The following GRIK2 variants were observed in gnomAD, a reference collection of about 807,000 sequenced individuals.
GRIK2 encodes the protein glutamate ionotropic receptor kainate type subunit 2, also known as glutamate receptor ionotropic, kainate 2.
In GRIK2, 32 loss-of-function variants were observed where a neutral mutation model predicts 100.3. The ratio of observed to expected loss-of-function variants is 0.32; its 90% CI spans 0.24 to 0.43. The LOEUF (loss-of-function observed/expected upper bound fraction) is 0.43, where lower values mean the gene tolerates loss of function less well. GRIK2 is among the 20% of genes least tolerant of loss of function. The pLI is 1.00. For missense variants in GRIK2, 843 were observed against 1,114.9 expected, an observed-to-expected ratio of 0.76 and a Z score of 3.47; for synonymous variants, 417 against 389.4, an observed-to-expected ratio of 1.07 and a Z score of -0.83.
Position 102,054,594 on chromosome 6 carries a change from C to T in GRIK2, c.2312-736C>T, listed in dbSNP as rs141748339. Among the ~76,000 whole-genome samples the T allele has an allele frequency of 6.2e-3, 938 of 152,148 alleles. 10 individuals are homozygous for T. The highest frequency in any genetic ancestry group is 0.022 in the African/African-American group (901 of 41,504). On this transcript the variant is annotated intron_variant, in intron 15 of 16. Coordinates refer to ENST00000369134, the MANE Select transcript of GRIK2 (RefSeq NM_021956.5). ...TCTAATGCAGATGAGTATGTACCTC[C>T]ATTAGCATAAACAATACGTTTTATT...
chr6:101,898,225 C>T (rs1787604112), intron 12 of GRIK2, among the ~76,000 whole-genome samples: 1 of 151,560 alleles, frequency 6.6e-6, no homozygotes. Context: ...TATTGTAACA[C>T]TTTTTAATTT....
At chr6:101,909,479 G>T (rs549873163) in intron 12 of GRIK2, among the ~76,000 whole-genome samples, 1 of 148,054 alleles carries the variant, frequency 6.8e-6, no homozygotes, top group Non-Finnish European at 1.5e-5. Context: ...GAAGTAGATA[G>T]TCAAGCTTGA....
intron 14 of GRIK2, among the ~76,000 whole-genome samples, chr6:102,027,343 T>G (rs959550284): frequency 5.3e-5 from 8 of 151,136 alleles, no homozygotes; most frequent in Non-Finnish European, 8.9e-5. Context: ...TGCCAGATTA[T>G]TTAGGAGGTA....
chr6:101,812,294 C>A (rs960806116), intron 9 of GRIK2, among the ~76,000 whole-genome samples: 7 of 151,678 alleles, frequency 4.6e-5, no homozygotes, highest in Non-Finnish European at 1.0e-4. Context: ...AATTCACTCA[C>A]TTACTCTATT....
intron 2 of GRIK2, among the ~76,000 whole-genome samples, chr6:101,455,997 C>G (rs1770988943): frequency 1.3e-5 from 2 of 151,612 alleles, no homozygotes; most frequent in Admixed American, 1.3e-4. Context: ...ACTCAAAAAG[C>G]TAACATGGCA....
chr6:101,409,417 C>T (rs1021378006), intron 2 of GRIK2, among the ~76,000 whole-genome samples: 2 of 151,826 alleles, frequency 1.3e-5, no homozygotes, highest in African/African-American at 2.4e-5. Flanking sequence ...AGAATGTATT[C>T]CTGTTGTTAA....
At chr6:101,882,091 A>C (rs1422994080) in intron 11 of GRIK2, among the ~76,000 whole-genome samples, 1 of 152,060 alleles carries the variant, frequency 6.6e-6, no homozygotes, top group Non-Finnish European at 1.5e-5. Flanking sequence ...TTCAGATCTC[A>C]TGAGACTTAT....
chr6:101,430,115 C>CAGACTCACAGACT (rs1210482654), intron 2 of GRIK2, among the ~76,000 whole-genome samples: 30 of 152,314 alleles, frequency 2.0e-4, no homozygotes, highest in Middle Eastern at 3.4e-3. Context: ...ACTCACCAAA[C>CAGACTCACAGACT]CACGGACTTT....
intron 7 of GRIK2, among the ~76,000 whole-genome samples, chr6:101,780,318 G>A (rs1430645167): frequency 6.6e-6 from 1 of 152,118 alleles, no homozygotes; most frequent in Non-Finnish European, 1.5e-5. Context: ...ATATGGCCTA[G>A]GGGAGGCAGG....
In GRIK2 at chr6:101,863,143, G is replaced by T. The variant is rs182674946; in HGVS notation, c.1524+3650G>T. 9.2e-5 allele frequency among the ~76,000 whole-genome samples: 14 copies of T among 152,172 alleles called. 1 individual carries two copies. The highest frequency in any genetic ancestry group is 8.5e-4 in the Admixed American group (13 of 15,282). On this transcript the variant is annotated intron_variant, in intron 11 of 16. Transcript: ENST00000369134. The stretch of plus-strand genomic sequence containing the variant: ...GCTCATACGTTTGCCATTTTATTAT[G>T]TCTCTATTATATACTTCCTGCCTTT...
chr6:101,670,902 T>C (rs895083492), intron 4 of GRIK2, among the ~76,000 whole-genome samples: 4 of 152,142 alleles, frequency 2.6e-5, no homozygotes, highest in African/African-American at 9.7e-5. Flanking sequence ...GAAAAATATA[T>C]CAAAGCTGAG....
intron 12 of GRIK2, among the ~76,000 whole-genome samples, chr6:101,902,915 T>A (rs987278008): frequency 6.6e-6 from 1 of 151,884 alleles, no homozygotes; most frequent in Non-Finnish European, 1.5e-5. Flanking sequence ...TAATAGGGGA[T>A]GATTGTGTTC....
At chr6:101,920,416 G>T (rs1366983622) in intron 12 of GRIK2, among the ~76,000 whole-genome samples, 1 of 151,880 alleles carries the variant, frequency 6.6e-6, no homozygotes, top group Non-Finnish European at 1.5e-5. Context: ...TTTTCAGAAA[G>T]TTGTGCATAT....
chr6:101,467,291 AG>A (rs2128254465), intron 2 of GRIK2, among the ~76,000 whole-genome samples: 1 of 152,328 alleles, frequency 6.6e-6, no homozygotes, highest in African/African-American at 2.4e-5. Context: ...TTTTGAATAA[AG>A]CCAAACTTTC....
chr6:101,609,864 A>T (rs1323607566), intron 2 of GRIK2, among the ~76,000 whole-genome samples: 1 of 151,784 alleles, frequency 6.6e-6, no homozygotes, highest in Non-Finnish European at 1.5e-5. Context: ...GGGAACTTGA[A>T]ATCTATATGA....
chr6:101,432,364 C>G (rs1340263999), intron 2 of GRIK2, among the ~76,000 whole-genome samples: 1 of 152,136 alleles, frequency 6.6e-6, no homozygotes, highest in Non-Finnish European at 1.5e-5. Context: ...ATTCTAGTGT[C>G]TTAATCCTTT....
At chr6:101,432,597 T>A (rs1452670058) in intron 2 of GRIK2, among the ~76,000 whole-genome samples, 1 of 152,196 alleles carries the variant, frequency 6.6e-6, no homozygotes, top group Admixed American at 6.5e-5. Context: ...TTGAAAGTGA[T>A]ATTTAAATAC....
chr6:101,823,876 GTT>G (rs796241778), intron 10 of GRIK2, among the ~76,000 whole-genome samples: 2 of 116,916 alleles, frequency 1.7e-5, no homozygotes, highest in Non-Finnish European at 3.6e-5. Flanking sequence ...TTTTTTTTTT[GTT>G]TTTTTTTTTG....
chr6:102,047,452 T>C (rs1278705243), intron 15 of GRIK2, among the ~76,000 whole-genome samples: 2 of 152,032 alleles, frequency 1.3e-5, no homozygotes, highest in Non-Finnish European at 2.9e-5. Flanking sequence ...TTAATATTGT[T>C]AAAAATTTTC....
Sources: gnomAD v4.1 joint callset for allele counts (sites outside exome capture counted in the v4.1 genomes callset) on GRCh38, gnomAD v4.1.1 for gene constraint, MANE v1.5 for transcripts, NCBI Gene and HGNC (gene_info 2026-07-23, HGNC 2026-07-21) for gene names.